TRMT9B: variants seen among roughly 807,000 people sequenced by gnomAD.
TRMT9B encodes tRNA methyltransferase 9B (putative), also known as probable tRNA methyltransferase 9B.
Under a neutral mutation model 11.5 loss-of-function variants are expected in TRMT9B, and 16 were observed. The ratio of observed to expected loss-of-function variants is 1.39; its 90% confidence interval spans 0.94 to 2.11. TRMT9B has a LOEUF of 2.11. Ranked by LOEUF, TRMT9B falls within the 30% of genes most tolerant of loss-of-function variation. TRMT9B has a pLI of 0.00. For synonymous variants in TRMT9B, 274 were observed against 192.4 expected (o/e 1.42, Z -3.51); for missense variants, 941 against 553.8 (o/e 1.70, Z -7.02).
chr8:13,018,835 C>A (rs1813290424), intron 4 of TRMT9B, among the ~76,000 whole-genome samples: 1 of 152,036 alleles, frequency 6.6e-6, no homozygotes, highest in Admixed American at 6.6e-5. Flanking sequence ...TCTTCCAAGG[C>A]TTAGAAACAC....
chr8:12,978,451 C>T (rs887216371), intron 1 of TRMT9B, among the ~76,000 whole-genome samples: 1 of 151,922 alleles, frequency 6.6e-6, no homozygotes, highest in African/African-American at 2.4e-5. Context: ...ATTTGTTTAC[C>T]CCTGCATCAC....
intron 4 of TRMT9B, among the ~76,000 whole-genome samples, chr8:13,016,178 T>A (rs1209014526): frequency 1.2e-5 from 1 of 82,446 alleles, no homozygotes; most frequent in East Asian, 5.7e-4. Flanking sequence ...TAAACATATA[T>A]AAATATAAAT....
intron 1 of TRMT9B, among the ~76,000 whole-genome samples, chr8:12,974,773 G>C (rs1397859546): frequency 3.3e-5 from 5 of 152,112 alleles, no homozygotes; most frequent in Non-Finnish European, 1.5e-5. Context: ...GCAGCAGGCA[G>C]GGTTTTGTTT....
At chr8:12,955,205 C>G (rs1000943976) in intron 1 of TRMT9B, among the ~76,000 whole-genome samples, 3 of 152,210 alleles carry the variant, frequency 2.0e-5, no homozygotes, top group Middle Eastern at 3.4e-3. Flanking sequence ...ATATGCTGTA[C>G]TCTTAGTAAT....
intron 2 of TRMT9B, among the ~76,000 whole-genome samples, chr8:13,000,550 A>G (rs1282431234): frequency 6.6e-6 from 1 of 152,108 alleles, no homozygotes; most frequent in Admixed American, 6.5e-5. Flanking sequence ...GCCTACATCA[A>G]CTTCCCCCAG....
At chr8:13,012,297 C>T in intron 3 of TRMT9B, 1 of 971,458 alleles carries the variant, frequency 1.0e-6, no homozygotes, top group South Asian at 4.7e-5. Context: ...AAAAAGTTGG[C>T]CAGGCACAGT....
At chr8:12,985,261 A>G (rs1174657456) in intron 1 of TRMT9B, among the ~76,000 whole-genome samples, 2 of 152,114 alleles carry the variant, frequency 1.3e-5, no homozygotes, top group Non-Finnish European at 2.9e-5. Flanking sequence ...CCGGTGCAAC[A>G]TATTTTGTTG....
At chr8:12,964,058 C>G (rs1237839320) in intron 1 of TRMT9B, among the ~76,000 whole-genome samples, 1 of 152,156 alleles carries the variant, frequency 6.6e-6, no homozygotes, top group Non-Finnish European at 1.5e-5. Context: ...TGTGTAACTT[C>G]TCATTTTCTA....
At chr8:12,978,903 T>C (rs894364503) in intron 1 of TRMT9B, among the ~76,000 whole-genome samples, 45 of 152,244 alleles carry the variant, frequency 3.0e-4, no homozygotes, top group African/African-American at 8.9e-4. Context: ...GGCAGTCACC[T>C]GCAGAATCTG....
chr8:12,968,001 C>T (rs953409161), intron 1 of TRMT9B, among the ~76,000 whole-genome samples: 11 of 152,208 alleles, frequency 7.2e-5, no homozygotes, highest in Non-Finnish European at 1.0e-4. Context: ...GCTCTCACCT[C>T]AGCCTCCTGA....
intron 4 of TRMT9B, among the ~76,000 whole-genome samples, chr8:13,017,968 A>G (rs1432409735): frequency 1.3e-5 from 2 of 151,860 alleles, no homozygotes; most frequent in Non-Finnish European, 2.9e-5. Context: ...GCTGTTACTT[A>G]TTACACTTTA....
At chr8:12,947,193 A>G (rs1029658598) in intron 1 of TRMT9B, among the ~76,000 whole-genome samples, 39 of 152,178 alleles carry the variant, frequency 2.6e-4, no homozygotes, top group Non-Finnish European at 1.6e-4. Flanking sequence ...AGCTTTGCCT[A>G]TCCCTGTTGT....
Position 12,963,076 on chromosome 8 carries a change from G to C in TRMT9B, c.-200+17110G>C, listed in dbSNP as rs528087004. ...AATAATTGAATAACTAAAAAATGGA[G>C]GAAAAATTATGTTATATTTTTACAT... On this transcript the variant is annotated intron_variant, in intron 1 of 4. Transcript: ENST00000524591. 1.1e-4 allele frequency among the ~76,000 whole-genome samples: 16 copies of C among 152,270 alleles called. 1 individual carries two copies. Among genetic ancestry groups the C allele is most frequent in the Middle Eastern group, 6.8e-3 (2 of 294 alleles).
chr8:13,018,645 A>G (rs935137351), intron 4 of TRMT9B, among the ~76,000 whole-genome samples: 1 of 152,220 alleles, frequency 6.6e-6, no homozygotes, highest in African/African-American at 2.4e-5. Context: ...AGAGGCATAC[A>G]GCGGTTTCTG....
intron 2 of TRMT9B, among the ~76,000 whole-genome samples, chr8:12,994,293 G>A (rs574469370): frequency 6.6e-6 from 1 of 152,322 alleles, no homozygotes; most frequent in Admixed American, 6.5e-5. Context: ...ACTTTTCACT[G>A]CTACCTCTGA....
intron 1 of TRMT9B, among the ~76,000 whole-genome samples, chr8:12,947,239 C>G (rs1800311194): frequency 6.6e-6 from 1 of 152,202 alleles, no homozygotes; most frequent in Non-Finnish European, 1.5e-5. Flanking sequence ...AAAGATCAGT[C>G]TGAGAGACTG....
chr8:12,998,206 C>T (rs1371993514), intron 2 of TRMT9B, among the ~76,000 whole-genome samples: 1 of 152,182 alleles, frequency 6.6e-6, no homozygotes, highest in Non-Finnish European at 1.5e-5. Context: ...TCCTTCTCTT[C>T]ATGGTGTCTT....
At chr8:12,956,371 T>C (rs1801311052) in intron 1 of TRMT9B, among the ~76,000 whole-genome samples, 1 of 152,232 alleles carries the variant, frequency 6.6e-6, no homozygotes, top group African/African-American at 2.4e-5. Context: ...GCTAACCAGT[T>C]ACCTTTTCAA....
Position 13,021,957 on chromosome 8 carries a change from G to T in TRMT9B, c.1278G>T (p.Glu426Asp), listed in dbSNP as rs772273235. The change falls in exon 5 of 5, where the codon GAG becomes GAT. Residue 426 changes from glutamate to aspartate, a missense_variant. By Grantham distance (45) the Glu-to-Asp change is conservative. Coordinates refer to ENST00000524591, the MANE Select transcript of TRMT9B (RefSeq NM_020844.3). ...REGELCSLLKENVSELRILSS... is the reference protein window; with the variant it reads ...REGELCSLLKDNVSELRILSS... ...GGGAGCTCTGCAGTCTGCTCAAGGA[G>T]AATGTGTCAGAGCTCCGTATCCTGA... 8.7e-6 allele frequency: 14 copies of T among 1,613,624 alleles called. No homozygotes were observed. Among genetic ancestry groups the T allele is most frequent in the Middle Eastern group, 1.6e-4 (1 of 6,084 alleles).
Sources: allele counts gnomAD v4.1 joint callset (sites outside exome capture counted in the v4.1 genomes callset), GRCh38; gene constraint gnomAD v4.1.1; transcripts MANE v1.5; gene names NCBI Gene and HGNC (gene_info 2026-07-23, HGNC 2026-07-21).